Variants in SCN4A observed in about 807,000 individuals in gnomAD.
SCN4A encodes sodium voltage-gated channel alpha subunit 4, also known as sodium channel protein type 4 subunit alpha.
In SCN4A, 83 loss-of-function variants were observed where a neutral mutation model predicts 162.0. The ratio of observed to expected loss-of-function variants is 0.51; its 90% confidence interval spans 0.43 to 0.61. SCN4A has a LOEUF of 0.61. SCN4A is among the 20% of genes least tolerant of loss of function. The pLI is 0.00. For missense variants in SCN4A, 2,196 were observed against 2,462.5 expected (o/e 0.89, Z 2.29); for synonymous variants, 944 against 985.1 (o/e 0.96, Z 0.78).
At chr17:63,961,462 G>T in intron 10 of SCN4A, 31 bp from the exon 11 acceptor site, 1 of 1,529,084 alleles carries the variant, frequency 6.5e-7, no homozygotes, top group Non-Finnish European at 9.1e-7. Context: ...GGTATCTGGT[G>T]AGGATTATCC....
In SCN4A at chr17:63,967,933, CA is replaced by C. The variant is rs11418006; in HGVS notation, c.1036+89del. On this transcript the variant is annotated intron_variant, in intron 6 of 23. Coordinates refer to ENST00000435607, the MANE Select transcript of SCN4A (RefSeq NM_000334.4). ...GGGTGACAAGAGTGAGACTCCATCT[CA>C]AAAAAAAAAAAAAAGAAAATGTGGA... is the stretch of plus-strand genomic sequence containing the variant. 0.06 allele frequency: 51,616 copies of C among 865,138 alleles called. 69 individuals are homozygous for C. Among genetic ancestry groups the C allele is most frequent in the African/African-American group, 0.11 (5,463 of 49,044 alleles). The allele number at this position is 865,138 out of a possible 1,614,324, so 53.6% of individuals were successfully genotyped here. A position where few individuals can be genotyped will look rare whatever the true frequency, so the allele number is the denominator to read the frequency against.
chr17:63,970,256 G>C (rs188392209), intron 5 of SCN4A, among the ~76,000 whole-genome samples: 1 of 152,262 alleles, frequency 6.6e-6, no homozygotes, highest in Admixed American at 6.5e-5. Context: ...GCACACACGT[G>C]TATATCACAA....
At chr17:63,962,191 G>A (rs1427465720) in intron 10 of SCN4A, among the ~76,000 whole-genome samples, 1 of 152,180 alleles carries the variant, frequency 6.6e-6, no homozygotes, top group Non-Finnish European at 1.5e-5. Flanking sequence ...GTCTGGGTCC[G>A]AGTTCCCAGG....
At chr17:63,952,204 T>C (rs1012557707) in intron 13 of SCN4A, among the ~76,000 whole-genome samples, 2 of 151,652 alleles carry the variant, frequency 1.3e-5, no homozygotes, top group Non-Finnish European at 2.9e-5. Flanking sequence ...TTTTCTTTTT[T>C]TTTTTTCGAG....
chr17:63,940,854 T>G lies in SCN4A; in HGVS notation c.5428A>C (p.Ile1810Leu), dbSNP rs908530002. The change falls in exon 24 of 24, where the codon ATC becomes CTC. Residue 1810 changes from isoleucine (I) to leucine (L), a missense_variant. Coordinates refer to ENST00000435607, the MANE Select transcript of SCN4A (RefSeq NM_000334.4). ...GGCCAGGCAGTGTCTGAGGGGCTGA[T>G]GGGCATCAGCCCCATAGTGGGTCCG... is the stretch of plus-strand genomic sequence containing the variant. ...DAGPTMGLMP[I>L]SPSDTAWPPA... is the part of the protein sequence containing the mutation. 6.2e-7 allele frequency: 1 copy of G among 1,612,750 alleles called. No homozygotes were observed. The highest frequency in any genetic ancestry group is 1.3e-5 in the African/African-American group (1 of 74,850).
At position 63,964,524 on chromosome 17, in the gene SCN4A, C is replaced by T. The variant is rs1416650713; in HGVS notation, c.1396G>A (p.Glu466Lys). ...ATLAEDKEKE[E>K]EFQQMLEKFK... ...TTCTCAAGCATCTGCTGAAACTCCT[C>T]CTCTTTCTCCTTATCCTCGGCCAGG... The change falls in exon 9 of 24, where the codon GAG becomes AAG. Residue 466 changes from glutamate to lysine, a missense_variant. Glu to Lys is a moderately conservative substitution (Grantham distance 56). Transcript: ENST00000435607. The T allele has an allele frequency of 2.5e-6, 4 of 1,613,936 alleles. No homozygotes were observed. Among genetic ancestry groups the T allele is most frequent in the Non-Finnish European group, 3.4e-6 (4 of 1,179,908 alleles).
At chr17:63,963,375 C>T (rs1015481029) in intron 10 of SCN4A, among the ~76,000 whole-genome samples, 7 of 152,246 alleles carry the variant, frequency 4.6e-5, no homozygotes, top group African/African-American at 7.2e-5. Flanking sequence ...CGGAAGCCCC[C>T]AGTTCCCATA....
rs150423825 is a variant in SCN4A, at chr17:63,941,892, C to T, written c.4390G>A (p.Gly1464Arg). Residue 1464 changes from glycine (G) to arginine (R), a missense_variant, in exon 24 of 24, where the codon GGG becomes AGG. Physicochemically the swap from Gly to Arg is moderately radical, Grantham distance 125. Coordinates refer to ENST00000435607, the MANE Select transcript of SCN4A (RefSeq NM_000334.4). This position sits in a 1 kb window ranked among gnomAD's most constrained non-coding sequence, Gnocchi z 6.2. ...AGCAGCGTCCGGATGCCCTTGGCCC[C>T]GCGGATCAGCCGCAGGACACGCCCA... is the stretch of plus-strand genomic sequence containing the variant. ...RIGRVLRLIR[G>R]AKGIRTLLFA... 28 of 1,613,366 alleles carry T rather than the reference C, an allele frequency of 1.7e-5. No homozygotes were observed. The highest frequency in any genetic ancestry group is 7.7e-5 in the South Asian group (7 of 91,084).
Position 63,957,015 on chromosome 17 carries a change from G to A in SCN4A, c.2376+147C>T, listed in dbSNP as rs577039166. The A allele has an allele frequency of 2.4e-4, 147 of 605,098 alleles. 3 individuals carry two copies. Among genetic ancestry groups the A allele is most frequent in the African/African-American group, 2.4e-3 (131 of 54,148 alleles). The allele number at this position is 605,098 out of a possible 1,614,324, so 37.5% of individuals were successfully genotyped here. ...TAACTCCTAAGTGATTCTTACACAG[G>A]TTAAAATTTGAGAACTACGGGGTTA... is the stretch of plus-strand genomic sequence containing the variant. On this transcript the variant is annotated intron_variant, in intron 13 of 23. Coordinates refer to ENST00000435607, the MANE Select transcript of SCN4A (RefSeq NM_000334.4).
chr17:63,942,080 G>C, intron 23 of SCN4A, 87 bp from the exon 24 acceptor site: 1 of 1,291,392 alleles, frequency 7.7e-7, no homozygotes, highest in Non-Finnish European at 1.0e-6. Context: ...AGGGGGCCCG[G>C]CCTGGTGTGC....
At position 63,971,017 on chromosome 17, in the gene SCN4A, G is replaced by A. The variant is rs571796806; in HGVS notation, c.703+145C>T. On this transcript the variant is annotated intron_variant, in intron 5 of 23. Transcript: ENST00000435607. The stretch of plus-strand genomic sequence containing the variant: ...AGGACCCCATCTGCCCTCTGGTCAC[G>A]TGGGCCCCTGTATGTCCAGGCTTTG... 4.8e-4 allele frequency: 305 copies of A among 633,112 alleles called. 4 individuals carry two copies. In the South Asian group the frequency reaches 4.9e-3, roughly 10 times the overall value. 39.2% of individuals were successfully genotyped at this position (633,112 alleles called of 1,614,324 possible).
intron 4 of SCN4A, 50 bp downstream of exon 4, chr17:63,971,672 C>T: frequency 2.0e-6 from 3 of 1,536,834 alleles, no homozygotes; most frequent in Non-Finnish European, 2.6e-6. Flanking sequence ...AGGCCTGGCC[C>T]CCTCCCCTCA....
At chr17:63,948,860 A>G (rs897216998) in intron 15 of SCN4A, 95 bp from the exon 16 acceptor site, 10 of 1,207,088 alleles carry the variant, frequency 8.3e-6, no homozygotes, top group Non-Finnish European at 1.1e-5. Context: ...GCATCCCAGG[A>G]TGCCCCTCTC....
In SCN4A at chr17:63,951,570, G is replaced by C. The variant is rs780334508; in HGVS notation, c.2707C>G (p.Pro903Ala). Residue 903 changes from proline to alanine, a missense_variant, in exon 14 of 24, where the codon CCC becomes GCC. Coordinates refer to ENST00000435607, the MANE Select transcript of SCN4A (RefSeq NM_000334.4). This position sits in a 1 kb window ranked among gnomAD's most constrained non-coding sequence, Gnocchi z 4.5. ...TGGTCCAGCTCGAGGCTGGATGGGGGGCCGTCAGCCAGGCCCATGTGGTTC... is the reference window on the plus strand; with the variant it reads ...TGGTCCAGCTCGAGGCTGGATGGGGCGCCGTCAGCCAGGCCCATGTGGTTC... ...ILNHMGLADGPPSSLELDHLN... is the reference protein window; with the variant it reads ...ILNHMGLADGAPSSLELDHLN... The C allele has an allele frequency of 1.2e-6, 2 of 1,613,960 alleles. No individual in the cohort carries two copies. The highest frequency in any genetic ancestry group is 2.2e-5 in the East Asian group (1 of 44,880).
chr17:63,944,626 G>A lies in SCN4A; in HGVS notation c.3912+47C>T. 1.9e-6 allele frequency: 3 copies of A among 1,560,946 alleles called. No homozygotes were observed. The highest frequency in any genetic ancestry group is 2.6e-6 in the Non-Finnish European group (3 of 1,150,568). ...TGGAGAGTGGACAAAGGAGGCAGGA[G>A]GGAGGCCCAGCACCGGGAGGGCCCG... On this transcript the variant is annotated intron_variant, in intron 21 of 23. Coordinates refer to ENST00000435607, the MANE Select transcript of SCN4A (RefSeq NM_000334.4). This position sits in a 1 kb window ranked among gnomAD's most constrained non-coding sequence, Gnocchi z 4.3.
At chr17:63,948,803 C>A in intron 15 of SCN4A, 38 bp from the exon 16 acceptor site, 1 of 1,559,524 alleles carries the variant, frequency 6.4e-7, no homozygotes, top group Non-Finnish European at 8.7e-7. Flanking sequence ...GGCACCACAT[C>A]ATGGGCCTGG....
chr17:63,968,584 A>G (rs1275978515), intron 5 of SCN4A, among the ~76,000 whole-genome samples: 14 of 152,240 alleles, frequency 9.2e-5, no homozygotes, highest in Non-Finnish European at 1.5e-5. Flanking sequence ...AGAATGAACT[A>G]TAAAGACCTG....
intron 22 of SCN4A, 141 bp from the exon 23 acceptor site, chr17:63,943,237 A>AG: frequency 9.8e-7 from 1 of 1,017,162 alleles, no homozygotes; most frequent in Non-Finnish European, 1.4e-6. Flanking sequence ...AGAGAGAGAG[A>AG]AAGGAGGTGT....
chr17:63,940,457 T>C lies in SCN4A; in HGVS notation c.*314A>G. 2.8e-6 allele frequency: 1 copy of C among 353,728 alleles called. No homozygotes were observed. Among genetic ancestry groups the C allele is most frequent in the Non-Finnish European group, 5.1e-6 (1 of 195,214 alleles). The allele number at this position is 353,728 out of a possible 1,614,324, so 21.9% of individuals were successfully genotyped here. A position where few individuals can be genotyped will look rare whatever the true frequency, so the allele number is the denominator to read the frequency against. ...CAAGTGAGGGGCAGAGATTCGAATGTTCTGACCTCCCCCAGGCCAAAAGGA... is the reference window on the plus strand; with the variant it reads ...CAAGTGAGGGGCAGAGATTCGAATGCTCTGACCTCCCCCAGGCCAAAAGGA... On this transcript the variant is annotated 3_prime_UTR_variant, in exon 24 of 24. Transcript: ENST00000435607.
Sources: gnomAD v4.1 joint callset for allele counts (sites outside exome capture counted in the v4.1 genomes callset) on GRCh38, gnomAD v4.1.1 for gene constraint, Gnocchi (gnomAD v3.1) non-coding constraint, MANE v1.5 for transcripts, NCBI Gene and HGNC (gene_info 2026-07-23, HGNC 2026-07-21) for gene names.